Variants in YLPM1 observed in about 807,000 individuals in gnomAD.
YLPM1 encodes YLP motif containing 1.
YLPM1 carries 99 observed loss-of-function variants against 230.0 expected under a neutral mutation model. The ratio of observed to expected loss-of-function variants is 0.43; its 90% CI spans 0.37 to 0.51. The LOEUF (loss-of-function observed/expected upper bound fraction) is 0.51. Among genes scored for constraint, YLPM1 ranks in the 20% least tolerant of loss-of-function variants. The pLI is 0.00. For synonymous variants in YLPM1, 984 were observed against 942.5 expected (o/e 1.04, Z -0.81); for missense variants, 2,592 against 2,707.7 (o/e 0.96, Z 0.95).
chr14:74,769,412 G>A (rs2090951261), intron 1 of YLPM1, among the ~76,000 whole-genome samples: 1 of 148,822 alleles, frequency 6.7e-6, no homozygotes, highest in African/African-American at 2.5e-5. Context: ...CTACTCCCAG[G>A]AGTAGCTGGG....
At chr14:74,772,867 T>G (rs1035124153) in intron 1 of YLPM1, among the ~76,000 whole-genome samples, 1 of 152,130 alleles carries the variant, frequency 6.6e-6, no homozygotes, top group African/African-American at 2.4e-5. Flanking sequence ...TCTCTTAGGG[T>G]CAGTAAGGAC....
chr14:74,813,198 A>G (rs1179445739), intron 11 of YLPM1, among the ~76,000 whole-genome samples: 1 of 152,240 alleles, frequency 6.6e-6, no homozygotes, highest in Non-Finnish European at 1.5e-5. Context: ...CTCCATTTGA[A>G]TTAACTGGTA....
chr14:74,801,184 G>A (rs1054795596), intron 5 of YLPM1, among the ~76,000 whole-genome samples: 6 of 151,990 alleles, frequency 3.9e-5, no homozygotes, highest in Non-Finnish European at 7.4e-5. Context: ...AGCTTTCTAG[G>A]CAACATGAAC....
intron 19 of YLPM1, among the ~76,000 whole-genome samples, chr14:74,834,073 G>T (rs1189137760): frequency 2.6e-5 from 4 of 151,792 alleles, no homozygotes; most frequent in Non-Finnish European, 5.9e-5. Flanking sequence ...ATGTGGCTGG[G>T]CATGGTGGCT....
In YLPM1 at chr14:74,835,397, AC is replaced by A; in HGVS notation, c.6429del (p.Lys2144AsnfsTer6). 6.2e-7 allele frequency: 1 copy of A among 1,613,596 alleles called. No homozygotes were observed. Among genetic ancestry groups the A allele is most frequent in the Non-Finnish European group, 8.5e-7 (1 of 1,179,618 alleles). Reference sequence around the variant, plus strand: ...CCTGGCTGAAAAAGCCCTCAATCGAACCAAATATATATGAGACTTAGTTTTT... The same window carrying A: ...CCTGGCTGAAAAAGCCCTCAATCGAACAAATATATATGAGACTTAGTTTTT... ...GHLAEKALNR[T>X]KYI On this transcript the variant is annotated frameshift_variant, in exon 20 of 21. Transcript: ENST00000325680. LOFTEE classifies it high-confidence loss of function.
rs967169407 is a variant in YLPM1, at chr14:74,767,550, G to A, written c.873+3188G>A. On this transcript the variant is annotated intron_variant, in intron 1 of 20. Coordinates refer to ENST00000325680, the MANE Select transcript of YLPM1 (RefSeq NM_019589.3). ...TATGCATTGTAGGATGTTTAACAGC[G>A]TCCCTGACCTCTACCCATTAGATGC... Among the ~76,000 whole-genome samples the A allele has an allele frequency of 2.0e-4, 30 of 152,138 alleles. 1 individual carries two copies. Among genetic ancestry groups the A allele is most frequent in the African/African-American group, 1.2e-4 (5 of 41,428 alleles).
intron 19 of YLPM1, chr14:74,835,004 G>T: frequency 2.8e-6 from 1 of 352,426 alleles, no homozygotes; most frequent in East Asian, 4.7e-5. Flanking sequence ...TAAATAAAAA[G>T]GAATGGCAGA....
intron 6 of YLPM1, among the ~76,000 whole-genome samples, chr14:74,805,869 AT>A (rs60143650): frequency 0.63 from 93,351 of 148,702 alleles, 29,792 homozygotes; most frequent in East Asian, 0.72. Flanking sequence ...TTCCTGGCTC[AT>A]TTTTTTTGTA....
chr14:74,773,349 A>G (rs936007614), intron 1 of YLPM1, among the ~76,000 whole-genome samples: 1 of 150,996 alleles, frequency 6.6e-6, no homozygotes, highest in African/African-American at 2.5e-5. Context: ...CAAGTACTTC[A>G]GCCCTTAACA....
chr14:74,832,258 T>A (rs1232439840), intron 19 of YLPM1, among the ~76,000 whole-genome samples: 4 of 152,208 alleles, frequency 2.6e-5, no homozygotes, highest in Non-Finnish European at 5.9e-5. Flanking sequence ...CTGCTCCTTG[T>A]ATGTTTAGTG....
At position 74,764,119 on chromosome 14, in the gene YLPM1, C is replaced by T. The variant is rs762810762; in HGVS notation, c.630C>T (p.Ser210=). 1.9e-6 allele frequency: 3 copies of T among 1,613,482 alleles called. No individual in the cohort carries two copies. Among genetic ancestry groups the T allele is most frequent in the African/African-American group, 2.7e-5 (2 of 74,764 alleles). ...CGCCCACCCCTTCTTACTCATCCTC[C>T]TCCTCTTCCTCGCAATCCTATTTGA... ...YLAPTPSYSS[S]SSSSQSYLSH... is the part of the protein sequence containing the mutation. Residue 210 remains serine, a synonymous_variant, in exon 1 of 21, where the codon TCC becomes TCT. Transcript: ENST00000325680.
intron 4 of YLPM1, among the ~76,000 whole-genome samples, chr14:74,789,789 G>A (rs1247366465): frequency 6.6e-6 from 1 of 151,452 alleles, no homozygotes; most frequent in African/African-American, 2.4e-5. Context: ...CACCATGCTT[G>A]GCTACGTTAT....
chr14:74,812,788 T>A lies in YLPM1; in HGVS notation c.5502+6T>A. On this transcript the variant is annotated splice_donor_region_variant and intron_variant, in intron 11 of 20. Transcript: ENST00000325680. ...GGGAGAGCAGACCTGAGAGAGTGAG[T>A]CCTATGAAGTTGATTCGTCTTCGTG... 6.2e-7 allele frequency: 1 copy of A among 1,609,764 alleles called. No individual in the cohort carries two copies. Among genetic ancestry groups the A allele is most frequent in the Non-Finnish European group, 8.5e-7 (1 of 1,177,482 alleles).
intron 11 of YLPM1, among the ~76,000 whole-genome samples, chr14:74,814,035 A>G (rs1353892964): frequency 6.6e-6 from 1 of 152,118 alleles, no homozygotes; most frequent in Non-Finnish European, 1.5e-5. Context: ...CTTGTATCTG[A>G]TTTAGAGAGA....
At chr14:74,818,542 A>C (rs2091497046) in intron 16 of YLPM1, among the ~76,000 whole-genome samples, 1 of 152,170 alleles carries the variant, frequency 6.6e-6, no homozygotes, top group Non-Finnish European at 1.5e-5. Context: ...TTGTGGAACC[A>C]TTTGAGAGTT....
chr14:74,793,817 A>G (rs1038866783), intron 4 of YLPM1, among the ~76,000 whole-genome samples: 1 of 152,182 alleles, frequency 6.6e-6, no homozygotes, highest in Non-Finnish European at 1.5e-5. Context: ...CATTCAGCCT[A>G]AGGAAAGGCT....
Position 74,781,043 on chromosome 14 carries a change from A to G in YLPM1, c.1291-291A>G, listed in dbSNP as rs7154845. On this transcript the variant is annotated intron_variant, in intron 3 of 20. Coordinates refer to ENST00000325680, the MANE Select transcript of YLPM1 (RefSeq NM_019589.3). ...ATCTATAATAACAGATCATTTTTCA[A>G]GTTCTTGAAATTATCCATATTAAAA... is the stretch of plus-strand genomic sequence containing the variant. 0.35 allele frequency among the ~76,000 whole-genome samples: 53,993 copies of G among 152,096 alleles called. 11,591 individuals are homozygous for G. The highest frequency in any genetic ancestry group is 0.54 in the East Asian group (2,794 of 5,174).
Position 74,829,403 on chromosome 14 carries a change from AG to A in YLPM1, c.6294+62del, listed in dbSNP as rs981403334. The A allele has an allele frequency of 5.6e-6, 9 of 1,602,010 alleles. No individual in the cohort carries two copies. In the African/African-American group the frequency reaches 1.1e-4, roughly 19 times the overall value. On this transcript the variant is annotated intron_variant, in intron 19 of 20. Coordinates refer to ENST00000325680, the MANE Select transcript of YLPM1 (RefSeq NM_019589.3). Reference sequence around the variant, plus strand: ...AGGGCCCATTTAGGCATCTGGTTTTAGGAAGTTACAGGCAGATGATCACATG... The same window carrying A: ...AGGGCCCATTTAGGCATCTGGTTTTAGAAGTTACAGGCAGATGATCACATG...
intron 4 of YLPM1, among the ~76,000 whole-genome samples, chr14:74,788,965 G>A (rs768831585): frequency 2.0e-5 from 3 of 152,078 alleles, no homozygotes; most frequent in Non-Finnish European, 4.4e-5. Context: ...GCGTGAGGTA[G>A]GGGTCAATGT....
Sources: allele counts gnomAD v4.1 joint callset (sites outside exome capture counted in the v4.1 genomes callset), GRCh38; gene constraint gnomAD v4.1.1; transcripts MANE v1.5; gene names NCBI Gene and HGNC (gene_info 2026-07-23, HGNC 2026-07-21).